GMDS: variants seen among roughly 807,000 people sequenced by gnomAD.
GMDS encodes GDP-mannose 4,6 dehydratase.
In GMDS, 20 loss-of-function variants were observed where a neutral mutation model predicts 49.9. The observed-to-expected ratio is 0.40, with a 90% CI of 0.28 to 0.58. The LOEUF (loss-of-function observed/expected upper bound fraction) is 0.58. Ranked by LOEUF, GMDS falls within the 20% of genes least tolerant of loss-of-function variation. GMDS has a pLI of 0.42. For synonymous variants in GMDS, 177 were observed against 178.6 expected, an observed-to-expected ratio of 0.99 and a Z score of 0.07; for missense variants, 362 against 481.4, an observed-to-expected ratio of 0.75 and a Z score of 2.32.
intron 6 of GMDS, among the ~76,000 whole-genome samples, chr6:1,939,658 C>G (rs1026065265): frequency 5.3e-5 from 8 of 151,432 alleles, no homozygotes; most frequent in African/African-American, 1.9e-4. Context: ...ATAAAGCATA[C>G]CAACATAACA....
intron 8 of GMDS, among the ~76,000 whole-genome samples, chr6:1,728,593 T>G (rs1029393947): frequency 1.3e-5 from 2 of 152,212 alleles, no homozygotes; most frequent in African/African-American, 2.4e-5. Context: ...TATAATTCAA[T>G]TTTTAAAAAA....
chr6:2,095,163 T>C (rs996404604), intron 4 of GMDS, among the ~76,000 whole-genome samples: 1 of 152,214 alleles, frequency 6.6e-6, no homozygotes, highest in Non-Finnish European at 1.5e-5. Flanking sequence ...TCGGCCAGGT[T>C]GCAGTGGTGT....
rs540305997 is a variant in GMDS, at chr6:2,036,975, T to C, written c.346-76009A>G. ...TATTCCTGTTGTACCTGGAGTTATC[T>C]TTTGGAGGCGAAAGGTAATGAGGTA... On this transcript the variant is annotated intron_variant, in intron 4 of 10. Coordinates refer to ENST00000380815, the MANE Select transcript of GMDS (RefSeq NM_001500.4). Among the ~76,000 whole-genome samples, 100 of 152,316 alleles carry C rather than the reference T, an allele frequency of 6.6e-4. 2 individuals are homozygous for C. In the South Asian group the frequency reaches 0.019, roughly 29 times the overall value.
intron 4 of GMDS, among the ~76,000 whole-genome samples, chr6:2,078,045 C>T (rs562463068): frequency 6.6e-6 from 1 of 152,154 alleles, no homozygotes; most frequent in South Asian, 2.1e-4. Context: ...TCCATTTCCT[C>T]TAGATTTTCC....
rs369332605 is a variant in GMDS at position 2,242,581 on chromosome 6, G to C, written c.102+2740C>G. 2.0e-4 allele frequency among the ~76,000 whole-genome samples: 31 copies of C among 152,356 alleles called. No homozygotes were observed. In the East Asian group the frequency reaches 2.5e-3, roughly 12 times the overall value. On this transcript the variant is annotated intron_variant, in intron 1 of 10. Coordinates refer to ENST00000380815, the MANE Select transcript of GMDS (RefSeq NM_001500.4). ...AATGCCATGATAGCCCCAAGTGCCA[G>C]AGCAGTGGCATTTGAATCTGAAATC...
chr6:1,968,947 G>A (rs973973247), intron 4 of GMDS, among the ~76,000 whole-genome samples: 2 of 152,012 alleles, frequency 1.3e-5, no homozygotes, highest in Non-Finnish European at 2.9e-5. Flanking sequence ...AGAAAGCCAC[G>A]TGAAGAGAAA....
chr6:1,856,289 C>T (rs368473479), intron 7 of GMDS, among the ~76,000 whole-genome samples: 4 of 152,316 alleles, frequency 2.6e-5, no homozygotes, highest in Admixed American at 2.0e-4. Flanking sequence ...TTCACACAGG[C>T]TTGCCACAAC....
intron 9 of GMDS, among the ~76,000 whole-genome samples, chr6:1,637,147 C>A (rs1323730722): frequency 6.6e-6 from 1 of 152,232 alleles, no homozygotes; most frequent in Non-Finnish European, 1.5e-5. Flanking sequence ...GTTGTCTGCA[C>A]TGAGTCTGAG....
chr6:1,948,153 CAG>C (rs1055371970), intron 6 of GMDS, among the ~76,000 whole-genome samples: 10 of 152,076 alleles, frequency 6.6e-5, no homozygotes, highest in African/African-American at 2.4e-4. Flanking sequence ...AGAAACTGGC[CAG>C]AGTTGTTCTA....
chr6:2,199,320 C>T (rs1396810222), intron 1 of GMDS, among the ~76,000 whole-genome samples: 1 of 152,122 alleles, frequency 6.6e-6, no homozygotes, highest in Non-Finnish European at 1.5e-5. Flanking sequence ...TAACAGGAAC[C>T]CAAAATAAAT....
chr6:2,119,677 A>G (rs1294236355), intron 2 of GMDS, among the ~76,000 whole-genome samples: 3 of 152,166 alleles, frequency 2.0e-5, no homozygotes, highest in Non-Finnish European at 2.9e-5. Context: ...ATTTTGGGAG[A>G]AAAAGATATG....
At chr6:2,179,089 G>A (rs945665099) in intron 1 of GMDS, among the ~76,000 whole-genome samples, 2 of 152,186 alleles carry the variant, frequency 1.3e-5, no homozygotes, top group African/African-American at 4.8e-5. Flanking sequence ...AGAAATAAAT[G>A]CAAACCACCA....
rs1369113459 is a variant in GMDS at position 1,836,706 on chromosome 6, T to C, written c.771+93397A>G. 6.6e-6 allele frequency among the ~76,000 whole-genome samples: 1 copy of C among 152,230 alleles called. No homozygotes were observed. Among genetic ancestry groups the C allele is most frequent in the Admixed American group, 6.5e-5 (1 of 15,286 alleles). On this transcript the variant is annotated intron_variant, in intron 7 of 10. Coordinates refer to ENST00000380815, the MANE Select transcript of GMDS (RefSeq NM_001500.4). The surrounding 1 kb of genome is among the most constrained non-coding windows in gnomAD (Gnocchi z 4.2). ...TTTCTTCACTGAATTTCGTATGGTT[T>C]CCCCTCTTCTTCTTATAAAACTCTA... is the stretch of plus-strand genomic sequence containing the variant.
intron 4 of GMDS, among the ~76,000 whole-genome samples, chr6:2,024,690 AAAGC>A (rs1174365459): frequency 1.3e-5 from 2 of 152,092 alleles, no homozygotes; most frequent in Admixed American, 1.3e-4. Flanking sequence ...AGACTAGCCA[AAAGC>A]AAGAAAGAAA....
chr6:2,102,048 A>C (rs1773954178), intron 4 of GMDS, among the ~76,000 whole-genome samples: 1 of 152,136 alleles, frequency 6.6e-6, no homozygotes, highest in East Asian at 1.9e-4. Flanking sequence ...GGCAAGTATT[A>C]CTTAAGCTAT....
intron 7 of GMDS, among the ~76,000 whole-genome samples, chr6:1,761,170 G>A (rs1023579163): frequency 2.6e-5 from 4 of 152,068 alleles, no homozygotes; most frequent in African/African-American, 9.7e-5. Flanking sequence ...TAAAAATCAA[G>A]AGCGTACCTT....
At chr6:2,156,710 T>G (rs1777131216) in intron 1 of GMDS, among the ~76,000 whole-genome samples, 1 of 152,216 alleles carries the variant, frequency 6.6e-6, no homozygotes, top group Admixed American at 6.5e-5. Flanking sequence ...ACATCACTAT[T>G]TTTAAAAGAT....
At chr6:2,241,525 T>G (rs937031218) in intron 1 of GMDS, among the ~76,000 whole-genome samples, 2 of 152,124 alleles carry the variant, frequency 1.3e-5, no homozygotes, top group African/African-American at 4.8e-5. Context: ...AGGTGGGAAC[T>G]AATAGGAGGT....
chr6:1,997,506 TCA>T (rs1491397141), intron 4 of GMDS, among the ~76,000 whole-genome samples: 1 of 64,444 alleles, frequency 1.6e-5, no homozygotes. Flanking sequence ...AGACTCTGTC[TCA>T]AAAAAAAAAA....
Sources: allele counts gnomAD v4.1 joint callset (sites outside exome capture counted in the v4.1 genomes callset), GRCh38; gene constraint gnomAD v4.1.1; non-coding constraint Gnocchi (gnomAD v3.1); transcripts MANE v1.5; gene names NCBI Gene and HGNC (gene_info 2026-07-23, HGNC 2026-07-21).